The following TENM2 variants were observed in gnomAD, a reference collection of about 807,000 sequenced individuals.
TENM2 encodes the protein teneurin-2.
A neutral mutation model predicts 245.2 loss-of-function variants in TENM2; 52 were observed. The observed-to-expected ratio is 0.21, with a 90% CI of 0.17 to 0.27. The LOEUF (loss-of-function observed/expected upper bound fraction) is 0.27. TENM2 is among the 10% of genes least tolerant of loss of function. The pLI is 1.00. For missense variants in TENM2, 3,046 were observed against 3,666.8 expected, an observed-to-expected ratio of 0.83 and a Z score of 4.37; for synonymous variants, 1,363 against 1,438.9, an observed-to-expected ratio of 0.95 and a Z score of 1.19.
At chr5:167,025,128 C>G in the TENM2 span, among the ~76,000 whole-genome samples, 1 of 152,006 alleles carries the variant, frequency 6.6e-6, no homozygotes, top group African/African-American at 2.4e-5. Context: ...ACAAGCCACA[C>G]GTATTTTAAT....
At chr5:167,957,238 C>G (rs143360822) in intron 4 of TENM2, among the ~76,000 whole-genome samples, 2,661 of 152,170 alleles carry the variant, frequency 0.017, 74 homozygotes, top group African/African-American at 0.061. Context: ...TCCATTTCTT[C>G]TAGATTTTCT....
chr5:167,944,526 G>A (rs1157431012), intron 3 of TENM2, among the ~76,000 whole-genome samples: 1 of 152,122 alleles, frequency 6.6e-6, no homozygotes, highest in African/African-American at 2.4e-5. Context: ...GTTTGAGATT[G>A]AACTTTGACT....
chr5:168,222,646 C>T (rs1366749117), intron 23 of TENM2, among the ~76,000 whole-genome samples: 1 of 152,150 alleles, frequency 6.6e-6, no homozygotes, highest in East Asian at 1.9e-4. Context: ...CTGCTAAGTT[C>T]CCAGACTAGG....
At chr5:168,219,655 A>T (rs950791458) in intron 23 of TENM2, among the ~76,000 whole-genome samples, 1 of 151,974 alleles carries the variant, frequency 6.6e-6, no homozygotes, top group Non-Finnish European at 1.5e-5. Context: ...GTTACTAGGC[A>T]TGATTCTCCC....
At chr5:168,084,292 T>C (rs906888858) in intron 7 of TENM2, among the ~76,000 whole-genome samples, 4 of 152,222 alleles carry the variant, frequency 2.6e-5, no homozygotes, top group Admixed American at 6.5e-5. Context: ...GATTACTGAG[T>C]TGAATGGTAG....
Position 167,827,107 on chromosome 5 carries a change from T to A in TENM2, c.503-48879T>A, listed in dbSNP as rs112816165. ...CCTAAGTAGTCTTCAGTTTCATGTA[T>A]GTTTCTCTGTAGTGGCCTTCCCACT... On this transcript the variant is annotated intron_variant, in intron 2 of 28. Coordinates refer to ENST00000518659, the Ensembl canonical transcript of TENM2. Among the ~76,000 whole-genome samples, 455 of 152,338 alleles carry A rather than the reference T, an allele frequency of 3.0e-3. 6 individuals are homozygous for A. The highest frequency in any genetic ancestry group is 0.01 in the African/African-American group (436 of 41,576).
the TENM2 span, among the ~76,000 whole-genome samples, chr5:167,093,608 A>G: frequency 6.6e-6 from 1 of 151,988 alleles, no homozygotes; most frequent in African/African-American, 2.4e-5. Context: ...CCAATTTTGA[A>G]CTCTCTGTCC....
rs1562071982 is a variant in TENM2, at chr5:168,030,168, T to TTTTTTTTTTTTTTTTTTTTTTTTC, written c.1187-17240_1187-17239insTTTTCTTTTTTTTTTTTTTTTTTT. On this transcript the variant is annotated intron_variant, in intron 5 of 28. Transcript: ENST00000518659. ...AGTCTGGTTCTGGCTCTTTTTTTTT[T>TTTTTTTTTTTTTTTTTTTTTTTTC]TTTTTTTTTTTTTTTTTTTCATCTT... Among the ~76,000 whole-genome samples the TTTTTTTTTTTTTTTTTTTTTTTTC allele has an allele frequency of 3.5e-5, 3 of 84,624 alleles. 1 individual carries two copies. Among genetic ancestry groups the TTTTTTTTTTTTTTTTTTTTTTTTC allele is most frequent in the Admixed American group, 1.5e-4 (1 of 6,564 alleles). The allele number at this position is 84,624 out of a possible 152,430, so 55.5% of individuals were successfully genotyped here. A position where few individuals can be genotyped will look rare whatever the true frequency, so the allele number is the denominator to read the frequency against.
chr5:168,244,033 G>A lies in TENM2; in HGVS notation c.5521-387G>A, dbSNP rs945532539. 4.0e-5 allele frequency among the ~76,000 whole-genome samples: 6 copies of A among 150,188 alleles called. No homozygotes were observed. Among genetic ancestry groups the A allele is most frequent in the African/African-American group, 1.5e-4 (6 of 40,802 alleles). ...AGCTCACTGCCATCTCCACCTCCCA[G>A]GTTCAAGTGATTCTCCTGCCTCAGC... On this transcript the variant is annotated intron_variant, in intron 25 of 28. Coordinates refer to ENST00000518659, the Ensembl canonical transcript of TENM2. This position sits in a 1 kb window ranked among gnomAD's most constrained non-coding sequence, Gnocchi z 4.9.
chr5:168,216,925 G>A lies in TENM2; in HGVS notation c.4233+3G>A. ...ATTCCAGCATGGATGTAGCCCAGGT[G>A]AGACTCTTTCTTATTTCTCTTCACT... On this transcript the variant is annotated splice_donor_region_variant and intron_variant, in intron 22 of 28. Coordinates refer to ENST00000518659, the Ensembl canonical transcript of TENM2. 6.2e-7 allele frequency: 1 copy of A among 1,613,578 alleles called. No homozygotes were observed.
intron 3 of TENM2, among the ~76,000 whole-genome samples, chr5:167,915,822 G>A (rs1776894537): frequency 6.6e-6 from 1 of 152,130 alleles, no homozygotes; most frequent in Non-Finnish European, 1.5e-5. Context: ...TTCCTTGATT[G>A]GGAGGGTAAT....
chr5:167,019,684 G>A, the TENM2 span, among the ~76,000 whole-genome samples: 1 of 151,940 alleles, frequency 6.6e-6, no homozygotes, highest in African/African-American at 2.4e-5. Flanking sequence ...TGGCCCAGGT[G>A]GTCTCAAACT....
intron 4 of TENM2, among the ~76,000 whole-genome samples, chr5:167,974,055 AAAGGAGGG>A (rs1782066747): frequency 3.3e-5 from 1 of 30,012 alleles, no homozygotes; most frequent in African/African-American, 2.2e-4. Context: ...GGAAGGGAGG[AAAGGAGGG>A]AGGGAGGGAG....
the TENM2 span, among the ~76,000 whole-genome samples, chr5:167,185,938 C>G: frequency 4.6e-5 from 7 of 152,160 alleles, no homozygotes; most frequent in African/African-American, 1.4e-4. Flanking sequence ...CCAAACCACA[C>G]TGACTCCTCG....
At chr5:167,252,334 T>G in the TENM2 span, among the ~76,000 whole-genome samples, 3 of 152,184 alleles carry the variant, frequency 2.0e-5, no homozygotes, top group African/African-American at 7.2e-5. Context: ...GATGAAATCT[T>G]GTTTGTTAAT....
At chr5:167,166,978 G>A in the TENM2 span, among the ~76,000 whole-genome samples, 1 of 152,088 alleles carries the variant, frequency 6.6e-6, no homozygotes, top group Non-Finnish European at 1.5e-5. Flanking sequence ...GGAACCTGGT[G>A]CCAAATTCCT....
chr5:167,853,901 C>G (rs890368880), intron 2 of TENM2, among the ~76,000 whole-genome samples: 1 of 152,158 alleles, frequency 6.6e-6, no homozygotes, highest in Non-Finnish European at 1.5e-5. Context: ...TCTTATTAAG[C>G]TTTACATAAA....
chr5:168,125,016 C>T (rs747891977), exon 11 of TENM2: 25 of 1,609,658 alleles, frequency 1.6e-5, no homozygotes, highest in East Asian at 6.7e-5. Context: ...TCTGCAGCTG[C>T]GATCCCAACT....
chr5:167,050,529 C>A, the TENM2 span, among the ~76,000 whole-genome samples: 3 of 152,100 alleles, frequency 2.0e-5, no homozygotes, highest in Non-Finnish European at 4.4e-5. Context: ...TGGATTTCAT[C>A]CTGAGGTCAG....
Sources: allele counts gnomAD v4.1 joint callset (sites outside exome capture counted in the v4.1 genomes callset), GRCh38; gene constraint gnomAD v4.1.1; non-coding constraint Gnocchi (gnomAD v3.1); transcripts MANE v1.5; gene names NCBI Gene and HGNC (gene_info 2026-07-23, HGNC 2026-07-21).